GRAMD1A: variants seen among roughly 807,000 people sequenced by gnomAD.
GRAMD1A encodes GRAM domain containing 1A.
Under a neutral mutation model 92.0 loss-of-function variants are expected in GRAMD1A, and 50 were observed. The observed-to-expected ratio is 0.54, with a 90% CI of 0.43 to 0.69. The LOEUF is 0.69. GRAMD1A is among the 30% of genes least tolerant of loss of function. The pLI, the probability that GRAMD1A is intolerant of heterozygous loss-of-function variation, is 0.00. For synonymous variants in GRAMD1A, 405 were observed against 403.6 expected (o/e 1.00, Z -0.04); for missense variants, 819 against 978.9 (o/e 0.84, Z 2.18).
At position 35,009,945 on chromosome 19, in the gene GRAMD1A, C is replaced by T; in HGVS notation, c.298C>T (p.Leu100Phe). 6.2e-7 allele frequency: 1 copy of T among 1,612,038 alleles called. No homozygotes were observed. Among genetic ancestry groups the T allele is most frequent in the African/African-American group, 1.3e-5 (1 of 74,984 alleles). ...GGACTTCCGGAAACTGTTCAGCAAA[C>T]TCCCCGAAGCAGAACGCCTCATTGT... ...NEDFRKLFSK[L>F]PEAERLIVDY... Residue 100 changes from leucine (L) to phenylalanine (F), a missense_variant, in exon 4 of 20, where the codon CTC becomes TTC. By Grantham distance (22) the Leu-to-Phe change is conservative (BLOSUM62 0). Coordinates refer to ENST00000317991, the MANE Select transcript of GRAMD1A (RefSeq NM_020895.5).
chr19:35,013,167 C>A lies in GRAMD1A; in HGVS notation c.607-89C>A. The A allele has an allele frequency of 2.9e-6, 2 of 682,882 alleles. No homozygotes were observed. Among genetic ancestry groups the A allele is most frequent in the South Asian group, 1.7e-5 (1 of 59,008 alleles). The allele number at this position is 682,882 out of a possible 1,614,324, so 42.3% of individuals were successfully genotyped here. A position where few individuals can be genotyped will look rare whatever the true frequency, so the allele number is the denominator to read the frequency against. Reference sequence around the variant, plus strand: ...TGCCTCCTTGTGGAAGCCAGGGGAACTGCGGAGGCCGAGGGCTGGTGGGGA... The same window carrying A: ...TGCCTCCTTGTGGAAGCCAGGGGAAATGCGGAGGCCGAGGGCTGGTGGGGA... On this transcript the variant is annotated intron_variant, in intron 7 of 19. Coordinates refer to ENST00000317991, the MANE Select transcript of GRAMD1A (RefSeq NM_020895.5). This position sits in a 1 kb window ranked among gnomAD's most constrained non-coding sequence, Gnocchi z 4.9.
chr19:35,023,102 G>A (rs1219943350), intron 17 of GRAMD1A, 134 bp from the exon 18 acceptor site: 16 of 813,960 alleles, frequency 2.0e-5, no homozygotes, highest in Non-Finnish European at 3.2e-5. Context: ...CCCTAGGCAT[G>A]TCTCTCATCC....
rs2015423821 is a variant in GRAMD1A at position 35,013,758 on chromosome 19, G to A, written c.870+67G>A. 1 of 1,477,394 alleles carries A rather than the reference G, an allele frequency of 6.8e-7. No individual in the cohort carries two copies. The highest frequency in any genetic ancestry group is 9.3e-7 in the Non-Finnish European group (1 of 1,078,230). 91.5% of individuals were successfully genotyped at this position (1,477,394 alleles called of 1,614,324 possible). A position where few individuals can be genotyped will look rare whatever the true frequency, so the allele number is the denominator to read the frequency against. ...GAGAGAGGAGGGCTGGGGGTGCAGT[G>A]GGAGAAGAACAGCCTGACAGATTTG... is the stretch of plus-strand genomic sequence containing the variant. On this transcript the variant is annotated intron_variant, in intron 9 of 19. Transcript: ENST00000317991. The surrounding 1 kb of genome is among the most constrained non-coding windows in gnomAD (Gnocchi z 4.9).
intron 7 of GRAMD1A, 80 bp downstream of exon 7, chr19:35,011,634 C>T: frequency 1.0e-6 from 1 of 998,380 alleles, no homozygotes; most frequent in Non-Finnish European, 1.6e-6. Flanking sequence ...ACTTGCGGAG[C>T]TGGAGGCAGC....
intron 19 of GRAMD1A, among the ~76,000 whole-genome samples, chr19:35,024,188 G>A (rs934138466): frequency 6.6e-6 from 1 of 152,204 alleles, no homozygotes; most frequent in South Asian, 2.1e-4. Context: ...CATGGTGGCC[G>A]TGGACTCCTC....
chr19:35,015,340 C>T (rs555746525), intron 10 of GRAMD1A: 1 of 154,326 alleles, frequency 6.5e-6, no homozygotes, highest in African/African-American at 2.4e-5. Context: ...GAGATGGCCT[C>T]AGCCCTGCCC....
rs1321579666 is a variant in GRAMD1A, at chr19:35,000,641, G to C, written c.8+155G>C. On this transcript the variant is annotated intron_variant, in intron 1 of 19. Coordinates refer to ENST00000317991, the MANE Select transcript of GRAMD1A (RefSeq NM_020895.5). The surrounding 1 kb of genome is among the most constrained non-coding windows in gnomAD (Gnocchi z 4.9). ...TGGCCGGGGCGATCGGGGTGGGGGC[G>C]GGGCAGGGGGCCCCCGGGCGAGGGG... is the stretch of plus-strand genomic sequence containing the variant. Among the ~76,000 whole-genome samples, 1 of 151,242 alleles carries C rather than the reference G, an allele frequency of 6.6e-6. No individual in the cohort carries two copies. Among genetic ancestry groups the C allele is most frequent in the Non-Finnish European group, 1.5e-5 (1 of 67,658 alleles).
intron 17 of GRAMD1A, 150 bp downstream of exon 17, chr19:35,023,061 A>C: frequency 1.2e-6 from 1 of 833,276 alleles, no homozygotes; most frequent in Non-Finnish European, 2.0e-6. Context: ...CCTGGGTTTG[A>C]ACACTGACTT....
At chr19:35,007,967 C>T (rs180829692) in intron 1 of GRAMD1A, among the ~76,000 whole-genome samples, 18 of 152,148 alleles carry the variant, frequency 1.2e-4, no homozygotes, top group African/African-American at 3.1e-4. Flanking sequence ...GTTTTAGCTC[C>T]GACAACTGAG....
chr19:35,021,118 A>T lies in GRAMD1A; in HGVS notation c.1476-384A>T, dbSNP rs66634421. On this transcript the variant is annotated intron_variant, in intron 13 of 19. Coordinates refer to ENST00000317991, the MANE Select transcript of GRAMD1A (RefSeq NM_020895.5). The surrounding 1 kb of genome is among the most constrained non-coding windows in gnomAD (Gnocchi z 5.3). ...GGAATGGGTTTGGGGAAAGACCAGG[A>T]GGTCAGTTTGGGACTCAGCTGTCTA... is the stretch of plus-strand genomic sequence containing the variant. 0.37 allele frequency among the ~76,000 whole-genome samples: 55,900 copies of T among 151,960 alleles called. 10,462 individuals are homozygous for T. Among genetic ancestry groups the T allele is most frequent in the Middle Eastern group, 0.48 (140 of 292 alleles).
At chr19:35,008,325 C>T (rs562846240) in intron 1 of GRAMD1A, among the ~76,000 whole-genome samples, 136 of 151,858 alleles carry the variant, frequency 9.0e-4, no homozygotes, top group Non-Finnish European at 1.6e-3. Context: ...TGAGAGATTC[C>T]GTCTTAAAAT....
At position 35,019,421 on chromosome 19, in the gene GRAMD1A, G is replaced by A. The variant is rs373799637; in HGVS notation, c.1363G>A (p.Gly455Arg). ...TLFRRGPQAG[G>R]CVVDSEVLTQ... ...GTTCCGGCGCGGCCCCCAGGCCGGC[G>A]GGTGTGTGGTGGACTCCGAGGTGCT... Residue 455 changes from glycine (G) to arginine (R), a missense_variant, in exon 13 of 20, where the codon GGG becomes AGG. By Grantham distance (125) the Gly-to-Arg change is moderately radical (BLOSUM62 -2). This residue lies in a region of GRAMD1A where 577 missense variants were observed against 674.6 expected (regional missense o/e 0.86). Transcript: ENST00000317991. The A allele has an allele frequency of 1.1e-5, 18 of 1,613,800 alleles. No homozygotes were observed. The highest frequency in any genetic ancestry group is 4.5e-5 in the East Asian group (2 of 44,892).
intron 1 of GRAMD1A, among the ~76,000 whole-genome samples, chr19:35,004,025 G>C (rs1043864970): frequency 1.3e-5 from 2 of 152,200 alleles, no homozygotes; most frequent in Non-Finnish European, 2.9e-5. Context: ...TCAGGAGTTT[G>C]AGACCAGCCT....
chr19:35,007,591 G>A (rs1164158156), intron 1 of GRAMD1A, among the ~76,000 whole-genome samples: 3 of 152,080 alleles, frequency 2.0e-5, no homozygotes, highest in African/African-American at 4.8e-5. Flanking sequence ...AGAGCTGGGT[G>A]CAGTGGCTCA....
intron 16 of GRAMD1A, 65 bp from the exon 17 acceptor site, chr19:35,022,835 G>C: frequency 6.5e-7 from 1 of 1,549,366 alleles, no homozygotes; most frequent in Middle Eastern, 2.0e-4. Flanking sequence ...GAGGAGGGCT[G>C]GGGGTGTCGG....
Position 35,013,398 on chromosome 19 carries a change from G to C in GRAMD1A, c.719+30G>C. On this transcript the variant is annotated intron_variant, in intron 8 of 19. Coordinates refer to ENST00000317991, the MANE Select transcript of GRAMD1A (RefSeq NM_020895.5). This position sits in a 1 kb window ranked among gnomAD's most constrained non-coding sequence, Gnocchi z 4.9. ...GTTGGAGGTCAAAGGAGGTTGAAGG[G>C]TTCGGGGGAGAACAGGACGGTCGGC... The C allele has an allele frequency of 6.6e-7, 1 of 1,512,322 alleles. No individual in the cohort carries two copies. The highest frequency in any genetic ancestry group is 1.2e-5 in the South Asian group (1 of 85,778). The allele number at this position is 1,512,322 out of a possible 1,614,324, so 93.7% of individuals were successfully genotyped here.
intron 1 of GRAMD1A, among the ~76,000 whole-genome samples, chr19:35,005,170 C>G (rs1209599394): frequency 1.4e-5 from 2 of 143,198 alleles, no homozygotes; most frequent in African/African-American, 2.6e-5. Context: ...AGGCCCTGCT[C>G]TAGGTGATGG....
chr19:34,995,571 G>A (rs12610307), upstream of GRAMD1A, among the ~76,000 whole-genome samples: 3 of 93,652 alleles, frequency 3.2e-5, no homozygotes, highest in Non-Finnish European at 4.4e-5. Context: ...CAGATCACGG[G>A]TTTTTTTTTT....
intron 1 of GRAMD1A, chr19:35,001,091 G>A (rs1278688930): frequency 6.6e-6 from 1 of 152,414 alleles, no homozygotes; most frequent in Non-Finnish European, 1.5e-5. Context: ...CTCCCCTTCC[G>A]GTCCAGGTGG....
Sources: gnomAD v4.1 joint callset for allele counts (sites outside exome capture counted in the v4.1 genomes callset) on GRCh38, gnomAD v4.1.1 for gene constraint, gnomAD v4.1.1 regional missense constraint, Gnocchi (gnomAD v3.1) non-coding constraint, MANE v1.5 for transcripts, NCBI Gene and HGNC (gene_info 2026-07-23, HGNC 2026-07-21) for gene names.